Variants in CTDP1 observed in about 807,000 individuals in gnomAD.
CTDP1 encodes RNA polymerase II subunit A C-terminal domain phosphatase.
A neutral mutation model predicts 91.8 loss-of-function variants in CTDP1; 47 were observed. The observed-to-expected ratio is 0.51, with a 90% confidence interval of 0.41 to 0.65. CTDP1 has a LOEUF of 0.65. Ranked by LOEUF, CTDP1 falls within the 30% of genes least tolerant of loss-of-function variation. CTDP1 has a pLI of 0.00. For missense variants in CTDP1, 1,272 were observed against 1,373.7 expected (o/e 0.93, Z 1.17); for synonymous variants, 656 against 598.5 (o/e 1.10, Z -1.40).
chr18:79,679,557 C>T, upstream of CTDP1: 1 of 462,732 alleles, frequency 2.2e-6, no homozygotes, highest in South Asian at 1.5e-5. Flanking sequence ...CGCCGGGATA[C>T]GTAGTTCCGA....
Position 79,754,185 on chromosome 18 carries a change from G to A in CTDP1, c.*395G>A, listed in dbSNP as rs578084534. The A allele has an allele frequency of 3.1e-4, 97 of 310,396 alleles. 1 individual carries two copies. The highest frequency in any genetic ancestry group is 2.7e-3 in the South Asian group (95 of 34,982). The allele number at this position is 310,396 out of a possible 1,614,324, so 19.2% of individuals were successfully genotyped here. Reference sequence around the variant, plus strand: ...GGACTAGGAGTTTAAGCAGGACAGTGTGCGTGCACGAGCTCCGAGCCCAGC... The same window carrying A: ...GGACTAGGAGTTTAAGCAGGACAGTATGCGTGCACGAGCTCCGAGCCCAGC... On this transcript the variant is annotated 3_prime_UTR_variant, in exon 13 of 13. Coordinates refer to ENST00000613122, the MANE Select transcript of CTDP1 (RefSeq NM_004715.5).
In CTDP1 at chr18:79,697,862, A is replaced by C; in HGVS notation, c.495A>C (p.Gln165His). The C allele has an allele frequency of 6.2e-7, 1 of 1,614,230 alleles. No homozygotes were observed. Among genetic ancestry groups the C allele is most frequent in the Non-Finnish European group, 8.5e-7 (1 of 1,180,044 alleles). Residue 165 changes from glutamine (Q) to histidine (H), a missense_variant and splice_region_variant, in exon 4 of 13, where the codon CAA becomes CAC. This residue lies in a region of CTDP1 where 177 missense variants were observed against 283.0 expected (regional missense o/e 0.63). Transcript: ENST00000613122. ...TTCTTGTTTCTTTTTAATTGTAGCA[A>C]GCTGAACAGCTGGGAAGAGAAGACC... is the stretch of plus-strand genomic sequence containing the variant. The part of the protein sequence containing the change: ...SVPELMVSSE[Q>H]AEQLGREDQQ...
intron 12 of CTDP1, among the ~76,000 whole-genome samples, chr18:79,746,556 T>C (rs1173034641): frequency 6.6e-6 from 1 of 152,222 alleles, no homozygotes; most frequent in East Asian, 1.9e-4. Context: ...CTTGGAAAAG[T>C]GAGAGCGTTT....
At chr18:79,728,066 C>G (rs2086487499) in intron 10 of CTDP1, among the ~76,000 whole-genome samples, 1 of 152,130 alleles carries the variant, frequency 6.6e-6, no homozygotes, top group Non-Finnish European at 1.5e-5. Flanking sequence ...TAATATTTAA[C>G]TATACAAGCA....
chr18:79,679,171 G>C (rs748968015), upstream of CTDP1: 1 of 319,194 alleles, frequency 3.1e-6, no homozygotes, highest in African/African-American at 2.3e-5. Context: ...TGCCCCAGAC[G>C]GGCCCACCGC....
chr18:79,748,375 A>G (rs1000147594), intron 12 of CTDP1, among the ~76,000 whole-genome samples: 25 of 152,208 alleles, frequency 1.6e-4, no homozygotes, highest in Admixed American at 4.6e-4. Context: ...GGGACCGCGC[A>G]GGGCCTGGGG....
intron 12 of CTDP1, among the ~76,000 whole-genome samples, chr18:79,748,589 T>C (rs58833413): frequency 0.29 from 44,290 of 152,138 alleles, 6,662 homozygotes; most frequent in East Asian, 0.38. Context: ...GAGATGGGGA[T>C]GGTGGCGCCT....
Position 79,717,867 on chromosome 18 carries a change from C to T in CTDP1, c.2268C>T (p.Phe756=). The change falls in exon 10 of 13, where the codon TTC becomes TTT. Residue 756 remains phenylalanine (F), a synonymous_variant. Coordinates refer to ENST00000613122, the MANE Select transcript of CTDP1 (RefSeq NM_004715.5). Reference sequence around the variant, plus strand: ...AGGGTGTGCCCCCCACCGCCTTGTTCCACCCGATGCCGGTTCTTCCCAAGG... The same window carrying T: ...AGGGTGTGCCCCCCACCGCCTTGTTTCACCCGATGCCGGTTCTTCCCAAGG... ...DREGVPPTAL[F]HPMPVLPKAQ... The T allele has an allele frequency of 3.1e-6, 5 of 1,613,618 alleles. No homozygotes were observed. In the East Asian group the frequency reaches 1.1e-4, roughly 36 times the overall value.
Position 79,753,834 on chromosome 18 carries a change from A to T in CTDP1, c.*44A>T, listed in dbSNP as rs1255387116. ...GACTGAAGCCTGACCGACCTCCAGC[A>T]GCACTCGGACGTCCCCGGACCAGCC... On this transcript the variant is annotated 3_prime_UTR_variant, in exon 13 of 13. Transcript: ENST00000613122. 2.5e-6 allele frequency: 4 copies of T among 1,602,406 alleles called. No individual in the cohort carries two copies. The highest frequency in any genetic ancestry group is 2.1e-4 in the Middle Eastern group (1 of 4,760).
Position 79,754,322 on chromosome 18 carries a change from G to T in CTDP1, c.*532G>T, listed in dbSNP as rs1009536544. The T allele has an allele frequency of 6.0e-6, 1 of 165,988 alleles. No homozygotes were observed. Among genetic ancestry groups the T allele is most frequent in the African/African-American group, 2.4e-5 (1 of 41,716 alleles). The allele number at this position is 165,988 out of a possible 1,614,324, so 10.3% of individuals were successfully genotyped here. A position where few individuals can be genotyped will look rare whatever the true frequency, so the allele number is the denominator to read the frequency against. On this transcript the variant is annotated 3_prime_UTR_variant, in exon 13 of 13. Coordinates refer to ENST00000613122, the MANE Select transcript of CTDP1 (RefSeq NM_004715.5). The stretch of plus-strand genomic sequence containing the variant: ...AGCTTCCTGCAGCCTCCTACGCAGG[G>T]TCCACGCCACGTGGCCTGGGCTGCC...
chr18:79,699,601 G>T (rs1320681618), intron 4 of CTDP1, among the ~76,000 whole-genome samples: 3 of 151,926 alleles, frequency 2.0e-5, no homozygotes, highest in Non-Finnish European at 4.4e-5. Context: ...GACAAACTAG[G>T]TATTTTGAAG....
At chr18:79,732,402 A>T (rs1170343457) in intron 11 of CTDP1, among the ~76,000 whole-genome samples, 2 of 96,966 alleles carry the variant, frequency 2.1e-5, no homozygotes, top group Non-Finnish European at 4.6e-5. Context: ...CACGCGAGAC[A>T]TGAGAACTCA....
intron 4 of CTDP1, chr18:79,702,638 T>C (rs1019769509): frequency 2.0e-5 from 3 of 152,208 alleles, no homozygotes; most frequent in Admixed American, 6.5e-5. Context: ...CCTCCCAAAG[T>C]GTTGGGATTA....
rs2086239798 is a variant in CTDP1, at chr18:79,717,533, A to G, written c.2069-2A>G. On this transcript the variant is annotated splice_acceptor_variant, in intron 8 of 12. Coordinates refer to ENST00000613122, the MANE Select transcript of CTDP1 (RefSeq NM_004715.5). LOFTEE classifies it high-confidence loss of function. ...AGCCTGACGCAGCCGGGTCTCCTGC[A>G]GGCACAGAGAAGGTGCTGCAGGCAC... The G allele has an allele frequency of 6.2e-7, 1 of 1,612,660 alleles. No homozygotes were observed. Among genetic ancestry groups the G allele is most frequent in the Admixed American group, 1.7e-5 (1 of 59,982 alleles).
intron 1 of CTDP1, among the ~76,000 whole-genome samples, chr18:79,693,235 G>T (rs891853373): frequency 8.5e-5 from 13 of 152,166 alleles, no homozygotes; most frequent in Non-Finnish European, 1.5e-5. Flanking sequence ...TCCAGTGTGG[G>T]GTTTGTGCGT....
rs188005208 is a variant in CTDP1, at chr18:79,734,701, G to A, written c.2581-1654G>A. Among the ~76,000 whole-genome samples the A allele has an allele frequency of 2.5e-3, 380 of 152,374 alleles. 1 individual carries two copies. The highest frequency in any genetic ancestry group is 8.9e-3 in the African/African-American group (370 of 41,592). On this transcript the variant is annotated intron_variant, in intron 11 of 12. Transcript: ENST00000613122. ...GTGCCTTGTTTTTCTCTCTTGACAA[G>A]GTATGATGCCGTGTTAAAGGCCCTA...
At position 79,695,239 on chromosome 18, in the gene CTDP1, G is replaced by T; in HGVS notation, c.329G>T (p.Arg110Met). The T allele has an allele frequency of 6.2e-7, 1 of 1,614,190 alleles. No homozygotes were observed. ...TTTTTTTGTAGAGCGGTTCTGGTGA[G>T]GTTGGAAGGATGCAGCCACCCGGTT... The part of the protein sequence containing the change: ...QVVAPGAVLV[R>M]LEGCSHPVVM... The change falls in exon 2 of 13, where the codon AGG becomes ATG. Residue 110 changes from arginine to methionine, a missense_variant. Coordinates refer to ENST00000613122, the MANE Select transcript of CTDP1 (RefSeq NM_004715.5).
rs181600524 is a variant in CTDP1 at position 79,751,668 on chromosome 18, C to T, written c.2748-1984C>T. Among the ~76,000 whole-genome samples the T allele has an allele frequency of 2.6e-4, 40 of 152,214 alleles. No homozygotes were observed. In the East Asian group the frequency reaches 7.0e-3, roughly 26 times the overall value. ...CGCTATAGTTTGTGTATATTAGCCT[C>T]GAGTGCATGTGTGTTACATGCGTGC... On this transcript the variant is annotated intron_variant, in intron 12 of 12. Coordinates refer to ENST00000613122, the MANE Select transcript of CTDP1 (RefSeq NM_004715.5).
chr18:79,684,607 G>C (rs145145585), intron 1 of CTDP1, among the ~76,000 whole-genome samples: 1 of 144,106 alleles, frequency 6.9e-6, no homozygotes, highest in Non-Finnish European at 1.5e-5. Flanking sequence ...TGCCCTCGTT[G>C]CCTGCGTTGT....
Sources: allele counts gnomAD v4.1 joint callset (sites outside exome capture counted in the v4.1 genomes callset), GRCh38; gene constraint gnomAD v4.1.1; regional missense constraint gnomAD v4.1.1; transcripts MANE v1.5; gene names NCBI Gene and HGNC (gene_info 2026-07-23, HGNC 2026-07-21).